The following LAMTOR4 variants were observed in gnomAD, a reference collection of about 807,000 sequenced individuals.
The protein encoded by LAMTOR4 is ragulator complex protein LAMTOR4.
A neutral mutation model predicts 13.5 loss-of-function variants in LAMTOR4; 11 were observed. That is an observed-to-expected ratio of 0.82 (90% CI 0.51 to 1.35). The LOEUF is 1.35. Among genes scored for constraint, LAMTOR4 ranks in the 40% most tolerant of loss-of-function variants. LAMTOR4 has a pLI of 0.00. For synonymous variants in LAMTOR4, 69 were observed against 52.3 expected, an observed-to-expected ratio of 1.32 and a Z score of -1.38; for missense variants, 128 against 126.2, an observed-to-expected ratio of 1.01 and a Z score of -0.07.
rs762058054 is a variant in LAMTOR4, at chr7:100,153,531, C to T, written c.202+14C>T. The stretch of plus-strand genomic sequence containing the variant: ...AGCGCCTGTCTGGTGAGCCCCTGCC[C>T]CTGCCCTTGGTGGTGGTACTGGGAG... On this transcript the variant is annotated intron_variant, in intron 3 of 3. Transcript: ENST00000341942. 5.0e-6 allele frequency: 8 copies of T among 1,601,264 alleles called. No individual in the cohort carries two copies. The highest frequency in any genetic ancestry group is 1.3e-5 in the African/African-American group (1 of 74,846).
intron 1 of LAMTOR4, 116 bp from the exon 2 acceptor site, chr7:100,149,383 G>C (rs1798629598): frequency 9.3e-6 from 7 of 754,770 alleles, no homozygotes; most frequent in South Asian, 8.9e-5. Context: ...GACCTGGCTG[G>C]GGAATGAGAA....
At chr7:100,149,793 G>C (rs1798643466) in intron 2 of LAMTOR4, 3 of 464,014 alleles carry the variant, frequency 6.5e-6, no homozygotes, top group Non-Finnish European at 1.2e-5. Flanking sequence ...TATAGTTTTT[G>C]AGACTGAGTT....
At position 100,154,138 on chromosome 7, in the gene LAMTOR4, C is replaced by G. The variant is rs992517764; in HGVS notation, c.*174C>G. On this transcript the variant is annotated 3_prime_UTR_variant, in exon 4 of 4. Transcript: ENST00000341942. Reference sequence around the variant, plus strand: ...GGACTCTGAGCTGTGTTAAGGAGAACAAGGGCAAGGAGACCTCCCTTTGTG... The same window carrying G: ...GGACTCTGAGCTGTGTTAAGGAGAAGAAGGGCAAGGAGACCTCCCTTTGTG... 1 of 597,330 alleles carries G rather than the reference C, an allele frequency of 1.7e-6. No homozygotes were observed. Among genetic ancestry groups the G allele is most frequent in the Non-Finnish European group, 3.0e-6 (1 of 331,132 alleles). 37.0% of individuals were successfully genotyped at this position (597,330 alleles called of 1,614,324 possible). A position where few individuals can be genotyped will look rare whatever the true frequency, so the allele number is the denominator to read the frequency against.
chr7:100,149,798 T>C, intron 2 of LAMTOR4: 1 of 446,376 alleles, frequency 2.2e-6, no homozygotes. Context: ...TTTTTGAGAC[T>C]GAGTTTCGTT....
chr7:100,153,277 G>A, intron 2 of LAMTOR4, 123 bp from the exon 3 acceptor site: 2 of 706,132 alleles, frequency 2.8e-6, no homozygotes, highest in Admixed American at 2.3e-5. Context: ...TTCCAAAGCT[G>A]AGGGTACTGG....
rs889550185 is a variant in LAMTOR4 at position 100,149,319 on chromosome 7, A to C, written c.4-180A>C. 15 of 601,522 alleles carry C rather than the reference A, an allele frequency of 2.5e-5. No homozygotes were observed. In the African/African-American group the frequency reaches 3.1e-4, roughly 12 times the overall value. 37.3% of individuals were successfully genotyped at this position (601,522 alleles called of 1,614,324 possible). A position where few individuals can be genotyped will look rare whatever the true frequency, so the allele number is the denominator to read the frequency against. Reference sequence around the variant, plus strand: ...CGGGGGCGAGAGTGGGGGCAGATGGAGGCTCGGGAAGATCAGTATTGAGGA... The same window carrying C: ...CGGGGGCGAGAGTGGGGGCAGATGGCGGCTCGGGAAGATCAGTATTGAGGA... On this transcript the variant is annotated intron_variant, in intron 1 of 3. Coordinates refer to ENST00000341942, the MANE Select transcript of LAMTOR4 (RefSeq NM_001008395.4).
Position 100,153,941 on chromosome 7 carries a change from GGTCGGGAGCCCATTGAT to G in LAMTOR4, c.281_297del (p.Arg94LeufsTer19). ...GTTTGTGGTGAAGAGGCAGAACCGA[GGTCGGGAGCCCATTGAT>G]GTCTGAGCCTGCCGGAGGGCGAGGG... On this transcript the variant is annotated frameshift_variant, in exon 4 of 4. Coordinates refer to ENST00000341942, the MANE Select transcript of LAMTOR4 (RefSeq NM_001008395.4). LOFTEE classifies it high-confidence loss of function. 6.3e-7 allele frequency: 1 copy of G among 1,591,386 alleles called. No individual in the cohort carries two copies. Among genetic ancestry groups the G allele is most frequent in the Non-Finnish European group, 8.6e-7 (1 of 1,169,416 alleles).
chr7:100,152,724 G>C (rs1798742285), intron 2 of LAMTOR4: 1 of 152,532 alleles, frequency 6.6e-6, no homozygotes, highest in Non-Finnish European at 1.5e-5. Context: ...AGGGCAGCAA[G>C]TGTGAAGACA....
intron 2 of LAMTOR4, among the ~76,000 whole-genome samples, chr7:100,151,815 G>T (rs1291112281): frequency 1.3e-5 from 2 of 150,328 alleles, no homozygotes; most frequent in Non-Finnish European, 2.9e-5. Context: ...TCCCGCCTCA[G>T]CATCCCAAGT....
intron 1 of LAMTOR4, 153 bp downstream of exon 1, chr7:100,149,128 G>A: frequency 1.0e-6 from 1 of 992,406 alleles, no homozygotes; most frequent in Non-Finnish European, 1.5e-6. Context: ...GGATGGCGAC[G>A]AGAATGCTGG....
At chr7:100,150,082 T>C (rs576321568) in intron 2 of LAMTOR4, among the ~76,000 whole-genome samples, 1 of 152,298 alleles carries the variant, frequency 6.6e-6, no homozygotes, top group East Asian at 1.9e-4. Flanking sequence ...TGGCCTTTAT[T>C]TGGTATTTCT....
rs557510778 is a variant in LAMTOR4, at chr7:100,151,924, A to C, written c.85-1476A>C. On this transcript the variant is annotated intron_variant, in intron 2 of 3. Transcript: ENST00000341942. ...TTGCTATGTTGCCCAGGCTGGTCTC[A>C]AACTCCTGGCCTCCAGCATTCCTCC... Among the ~76,000 whole-genome samples the C allele has an allele frequency of 8.6e-4, 131 of 151,544 alleles. 1 individual carries two copies. Among genetic ancestry groups the C allele is most frequent in the Admixed American group, 2.4e-3 (36 of 15,218 alleles).
rs771635402 is a variant in LAMTOR4, at chr7:100,149,587, C to T, written c.84+8C>T. The T allele has an allele frequency of 3.1e-6, 5 of 1,612,194 alleles. No individual in the cohort carries two copies. The highest frequency in any genetic ancestry group is 4.2e-6 in the Non-Finnish European group (5 of 1,178,368). On this transcript the variant is annotated splice_region_variant and intron_variant, in intron 2 of 3. Coordinates refer to ENST00000341942, the MANE Select transcript of LAMTOR4 (RefSeq NM_001008395.4). Reference sequence around the variant, plus strand: ...GAAGGTGCAGTGCTGGCGGTGCGTTCTGGGAAAGGGAGGGGGTCCCTTAGT... The same window carrying T: ...GAAGGTGCAGTGCTGGCGGTGCGTTTTGGGAAAGGGAGGGGGTCCCTTAGT...
intron 2 of LAMTOR4, among the ~76,000 whole-genome samples, chr7:100,150,782 G>A (rs1054712574): frequency 6.6e-6 from 1 of 151,826 alleles, no homozygotes; most frequent in Non-Finnish European, 1.5e-5. Context: ...TCAGGAGATC[G>A]AGACCATCCT....
intron 2 of LAMTOR4, among the ~76,000 whole-genome samples, chr7:100,150,760 C>A (rs750385288): frequency 6.6e-6 from 1 of 151,690 alleles, no homozygotes; most frequent in Non-Finnish European, 1.5e-5. Context: ...CCAAGGCGGG[C>A]GGATCACGAG....
rs373033335 is a variant in LAMTOR4 at position 100,149,513 on chromosome 7, C to G, written c.18C>G (p.Thr6=). Residue 6 remains threonine (T), a synonymous_variant, in exon 2 of 4, where the codon ACC becomes ACG. Coordinates refer to ENST00000341942, the MANE Select transcript of LAMTOR4 (RefSeq NM_001008395.4). The stretch of plus-strand genomic sequence containing the variant: ...TTACCCACTAGACTTCTGCGCTGAC[C>G]CAGGGGCTGGAGCGAATCCCAGACC... MTSAL[T]QGLERIPDQL... The G allele has an allele frequency of 1.9e-6, 3 of 1,613,348 alleles. No homozygotes were observed. Among genetic ancestry groups the G allele is most frequent in the African/African-American group, 2.7e-5 (2 of 74,836 alleles).
At chr7:100,149,376 C>G (rs1339573734) in intron 1 of LAMTOR4, 123 bp from the exon 2 acceptor site, 1 of 737,598 alleles carries the variant, frequency 1.4e-6, no homozygotes, top group Non-Finnish European at 2.5e-6. Flanking sequence ...GGGAAGGGAC[C>G]TGGCTGGGGA....
At position 100,153,715 on chromosome 7, in the gene LAMTOR4, T is replaced by G. The variant is rs751864638; in HGVS notation, c.203-152T>G. On this transcript the variant is annotated intron_variant, in intron 3 of 3. Transcript: ENST00000341942. ...AAGGAGATCTAGCAGAGGCCACTCA[T>G]CTTCAAATCTCTGAGCCTGGAACTA... is the stretch of plus-strand genomic sequence containing the variant. The G allele has an allele frequency of 2.5e-4, 189 of 746,954 alleles. 2 individuals are homozygous for G. In the Middle Eastern group the frequency reaches 7.4e-3, roughly 29 times the overall value. 46.3% of individuals were successfully genotyped at this position (746,954 alleles called of 1,614,324 possible). A position where few individuals can be genotyped will look rare whatever the true frequency, so the allele number is the denominator to read the frequency against.
At chr7:100,150,988 CAAAA>C (rs991277129) in intron 2 of LAMTOR4, among the ~76,000 whole-genome samples, 1 of 134,264 alleles carries the variant, frequency 7.4e-6, no homozygotes, top group African/African-American at 2.8e-5. Flanking sequence ...GACTCCGTCT[CAAAA>C]AAAACAAAAA....
Sources: gnomAD v4.1 joint callset for allele counts (sites outside exome capture counted in the v4.1 genomes callset) on GRCh38, gnomAD v4.1.1 for gene constraint, MANE v1.5 for transcripts, NCBI Gene and HGNC (gene_info 2026-07-23, HGNC 2026-07-21) for gene names.